The following CASD1 variants were observed in gnomAD, a reference collection of about 807,000 sequenced individuals.
CASD1 encodes N-acetylneuraminate (7)9-O-acetyltransferase.
A neutral mutation model predicts 100.0 loss-of-function variants in CASD1; 41 were observed. That is an observed-to-expected ratio of 0.41 (90% CI 0.32 to 0.53). The LOEUF is 0.53. Ranked by LOEUF, CASD1 falls within the 20% of genes least tolerant of loss-of-function variation. The pLI is 0.25. For missense variants in CASD1, 774 were observed against 948.7 expected, an observed-to-expected ratio of 0.82 and a Z score of 2.42; for synonymous variants, 321 against 315.6, an observed-to-expected ratio of 1.02 and a Z score of -0.18.
At chr7:94,561,216 A>G (rs1231388259), downstream of CASD1, among the ~76,000 whole-genome samples, 1 of 152,144 alleles carries the variant, frequency 6.6e-6, no homozygotes, top group Non-Finnish European at 1.5e-5. Context: ...ATTGCACTCC[A>G]GCCTGGGCAA....
At chr7:94,533,400 A>G in intron 6 of CASD1, 151 bp downstream of exon 6, 1 of 613,300 alleles carries the variant, frequency 1.6e-6, no homozygotes, top group Non-Finnish European at 2.7e-6. Context: ...TTTAATACAA[A>G]TACTGGAATT....
chr7:94,591,879 T>C, the CASD1 span, among the ~76,000 whole-genome samples: 7 of 152,186 alleles, frequency 4.6e-5, no homozygotes, highest in Admixed American at 1.3e-4. Context: ...GTGTCTTATA[T>C]TGATTTAGAG....
chr7:94,629,414 T>C, the CASD1 span: 1 of 291,592 alleles, frequency 3.4e-6, no homozygotes, highest in South Asian at 3.5e-5. Context: ...TAGGTCTTAA[T>C]ATAGAAAATC....
chr7:94,562,000 A>C (rs1400489934), downstream of CASD1, among the ~76,000 whole-genome samples: 1 of 152,152 alleles, frequency 6.6e-6, no homozygotes, highest in African/African-American at 2.4e-5. Flanking sequence ...ACATTCTATA[A>C]ACAATTCTAT....
chr7:94,543,173 G>A (rs1479089252), intron 10 of CASD1, among the ~76,000 whole-genome samples: 2 of 152,196 alleles, frequency 1.3e-5, no homozygotes, highest in African/African-American at 4.8e-5. Context: ...AGTTTGCTTA[G>A]CGTGGATGCT....
chr7:94,626,703 G>A, the CASD1 span: 1 of 151,692 alleles, frequency 6.6e-6, no homozygotes, highest in Admixed American at 6.6e-5. Flanking sequence ...TTACTGTACT[G>A]GCTGGGACCT....
intron 6 of CASD1, 54 bp downstream of exon 6, chr7:94,533,303 T>A: frequency 6.8e-7 from 1 of 1,474,000 alleles, no homozygotes; most frequent in South Asian, 1.2e-5. Flanking sequence ...TTTAAGAACA[T>A]GCTAAGAAAA....
chr7:94,623,352 A>G, the CASD1 span: 58 of 1,604,200 alleles, frequency 3.6e-5, 1 homozygote, highest in Middle Eastern at 5.0e-4. Flanking sequence ...TTAATTATCA[A>G]ATTATGCCTT....
At chr7:94,629,817 T>G in the CASD1 span, 5 of 1,610,810 alleles carry the variant, frequency 3.1e-6, no homozygotes, top group Non-Finnish European at 4.2e-6. Flanking sequence ...CCGATCGGAG[T>G]GTACCTTGGA....
At chr7:94,599,067 T>A in the CASD1 span, 4 of 813,428 alleles carry the variant, frequency 4.9e-6, no homozygotes, top group Non-Finnish European at 3.9e-6. Context: ...TTTAAAATAA[T>A]AAGACATTAT....
intron 1 of CASD1, among the ~76,000 whole-genome samples, chr7:94,511,552 G>C (rs753112754): frequency 2.6e-5 from 4 of 152,136 alleles, no homozygotes; most frequent in African/African-American, 9.7e-5. Context: ...GCAAGGCCTT[G>C]GTTTATCTAC....
the CASD1 span, among the ~76,000 whole-genome samples, chr7:94,573,000 T>C: frequency 6.6e-6 from 1 of 152,202 alleles, no homozygotes; most frequent in East Asian, 1.9e-4. Context: ...TTTTCCCCAT[T>C]GCATGTTTTG....
At chr7:94,595,266 A>G in the CASD1 span, among the ~76,000 whole-genome samples, 16 of 152,206 alleles carry the variant, frequency 1.1e-4, no homozygotes, top group Non-Finnish European at 2.2e-4. Context: ...TGAGTTCTCT[A>G]TAACTTTGAT....
At chr7:94,514,284 A>G (rs1368801987) in intron 1 of CASD1, among the ~76,000 whole-genome samples, 4 of 152,170 alleles carry the variant, frequency 2.6e-5, no homozygotes, top group African/African-American at 4.8e-5. Context: ...CCTGATCTTT[A>G]TGATACCTCT....
chr7:94,629,462 G>A, the CASD1 span: 45 of 393,334 alleles, frequency 1.1e-4, no homozygotes, highest in South Asian at 7.4e-4. Flanking sequence ...TGTGAATATA[G>A]GTAGATCACT....
At chr7:94,615,226 G>GTA in the CASD1 span, among the ~76,000 whole-genome samples, 1 of 152,150 alleles carries the variant, frequency 6.6e-6, no homozygotes, top group Non-Finnish European at 1.5e-5. Flanking sequence ...AGGCACAGTG[G>GTA]CAGGTGCCTG....
At chr7:94,537,029 T>G (rs554324491) in intron 8 of CASD1, among the ~76,000 whole-genome samples, 1 of 152,274 alleles carries the variant, frequency 6.6e-6, no homozygotes, top group African/African-American at 2.4e-5. Context: ...TTATCTTAAG[T>G]GGCCTGGTAT....
intron 3 of CASD1, 49 bp from the exon 4 acceptor site, chr7:94,527,113 T>C (rs1340768862): frequency 3.6e-6 from 5 of 1,408,074 alleles, no homozygotes; most frequent in Non-Finnish European, 2.0e-6. Flanking sequence ...GCATTTTTTA[T>C]ATAAATTTAA....
intron 5 of CASD1, 142 bp downstream of exon 5, chr7:94,528,392 C>CCTG: frequency 3.6e-6 from 2 of 553,176 alleles, no homozygotes; most frequent in Non-Finnish European, 6.2e-6. Context: ...CTGTGCTGGA[C>CCTG]TGATTCTAGC....
Sources: allele counts gnomAD v4.1 joint callset (sites outside exome capture counted in the v4.1 genomes callset), GRCh38; gene constraint gnomAD v4.1.1; transcripts MANE v1.5; gene names NCBI Gene and HGNC (gene_info 2026-07-23, HGNC 2026-07-21).